SPADH: variants seen among roughly 807,000 people sequenced by gnomAD.
SPADH encodes the protein spermadhesin family member.
chr10:122,675,115 G>A, the SPADH span, among the ~76,000 whole-genome samples: 4 of 152,298 alleles, frequency 2.6e-5, no homozygotes, highest in African/African-American at 9.6e-5. Context: ...AAAAATTTTA[G>A]TCAACAGATT....
At chr10:122,678,578 C>T in the SPADH span, among the ~76,000 whole-genome samples, 2 of 152,268 alleles carry the variant, frequency 1.3e-5, no homozygotes, top group African/African-American at 2.4e-5. Context: ...ATGGGCTGGG[C>T]TCCCTGGAAG....
the SPADH span, chr10:122,672,965 C>G: frequency 1.0e-6 from 1 of 978,932 alleles, no homozygotes; most frequent in Admixed American, 6.1e-5. Flanking sequence ...CTGGGCCTCG[C>G]ACTGTTTTCC....
chr10:122,677,359 C>G, the SPADH span, among the ~76,000 whole-genome samples: 1 of 152,214 alleles, frequency 6.6e-6, no homozygotes, highest in South Asian at 2.1e-4. Context: ...ACTTTCCTGA[C>G]TCTCTGCAGA....
chr10:122,678,371 C>T, the SPADH span, among the ~76,000 whole-genome samples: 1 of 152,198 alleles, frequency 6.6e-6, no homozygotes, highest in African/African-American at 2.4e-5. Context: ...TTCACCTCTT[C>T]CTGTCCCATC....
chr10:122,674,001 C>A, the SPADH span, among the ~76,000 whole-genome samples: 101 of 152,320 alleles, frequency 6.6e-4, no homozygotes, highest in East Asian at 0.013. Context: ...TACAGTGAGG[C>A]CTTAGGGCAA....
chr10:122,673,008 T>A, the SPADH span: 1 of 858,680 alleles, frequency 1.2e-6, no homozygotes, highest in Non-Finnish European at 1.4e-6. Context: ...AATTTGCTTA[T>A]TGCCAAGGAA....
the SPADH span, among the ~76,000 whole-genome samples, chr10:122,677,237 G>T: frequency 2.0e-5 from 3 of 152,064 alleles, no homozygotes; most frequent in Non-Finnish European, 4.4e-5. Context: ...CCTGCCCTCT[G>T]CCTGGAATGC....
the SPADH span, among the ~76,000 whole-genome samples, chr10:122,678,117 C>G: frequency 7.9e-5 from 12 of 152,240 alleles, no homozygotes; most frequent in African/African-American, 2.6e-4. Flanking sequence ...GGGGTGTCCC[C>G]TTGTTGTCTT....
At chr10:122,678,643 T>C in the SPADH span, among the ~76,000 whole-genome samples, 1 of 152,090 alleles carries the variant, frequency 6.6e-6, no homozygotes, top group Non-Finnish European at 1.5e-5. Context: ...AGGTGAAGTT[T>C]TCTGGGAAGA....
the SPADH span, among the ~76,000 whole-genome samples, chr10:122,676,171 T>C: frequency 6.6e-6 from 1 of 152,226 alleles, no homozygotes; most frequent in Admixed American, 6.5e-5. Flanking sequence ...GGGTGGCTTG[T>C]TGATTGATTG....
the SPADH span, among the ~76,000 whole-genome samples, chr10:122,678,576 G>C: frequency 6.6e-6 from 1 of 152,172 alleles, no homozygotes; most frequent in Non-Finnish European, 1.5e-5. Context: ...CCATGGGCTG[G>C]GCTCCCTGGA....
At chr10:122,673,977 G>T in the SPADH span, among the ~76,000 whole-genome samples, 1 of 152,344 alleles carries the variant, frequency 6.6e-6, no homozygotes, top group Admixed American at 6.5e-5. Context: ...TACAGCTTCT[G>T]TCTAAATTAG....
chr10:122,677,922 C>G, the SPADH span, among the ~76,000 whole-genome samples: 1 of 152,166 alleles, frequency 6.6e-6, no homozygotes, highest in African/African-American at 2.4e-5. Context: ...ATGAAAGAGT[C>G]GTGCACTTCC....
the SPADH span, among the ~76,000 whole-genome samples, chr10:122,674,726 G>A: frequency 6.6e-6 from 1 of 152,242 alleles, no homozygotes; most frequent in Non-Finnish European, 1.5e-5. Flanking sequence ...TGTCTTGAAA[G>A]CGTTAGAGTG....
At chr10:122,673,473 C>T in the SPADH span, among the ~76,000 whole-genome samples, 11 of 152,256 alleles carry the variant, frequency 7.2e-5, no homozygotes, top group East Asian at 9.7e-4. Flanking sequence ...CAGCTCCCAC[C>T]GCTGGCTGGG....
chr10:122,676,824 A>G, the SPADH span: 9 of 985,134 alleles, frequency 9.1e-6, no homozygotes, highest in Non-Finnish European at 1.1e-5. Flanking sequence ...TGGGCCGAAA[A>G]CTGAATGCGT....
the SPADH span, among the ~76,000 whole-genome samples, chr10:122,673,325 C>T: frequency 6.6e-6 from 1 of 152,148 alleles, no homozygotes; most frequent in African/African-American, 2.4e-5. Flanking sequence ...GTGAGGGTGC[C>T]CTGCATTGAA....
the SPADH span, chr10:122,675,813 C>T: frequency 5.2e-6 from 1 of 192,678 alleles, no homozygotes; most frequent in Non-Finnish European, 9.5e-6. Flanking sequence ...TGGATTCAGC[C>T]TTCATAATCG....
chr10:122,672,889 T>G, the SPADH span: 1 of 985,368 alleles, frequency 1.0e-6, no homozygotes, highest in African/African-American at 1.7e-5. Context: ...AGGATGAGGC[T>G]GTCCAGAGCC....
Sources: gnomAD v4.1 joint callset for allele counts (sites outside exome capture counted in the v4.1 genomes callset) on GRCh38, gnomAD v4.1.1 for gene constraint, MANE v1.5 for transcripts, NCBI Gene and HGNC (gene_info 2026-07-23, HGNC 2026-07-21) for gene names.